The following URB1 variants were observed in gnomAD, a reference collection of about 807,000 sequenced individuals.
URB1 encodes URB1 ribosome biogenesis factor, also known as nucleolar pre-ribosomal-associated protein 1.
A neutral mutation model predicts 242.3 loss-of-function variants in URB1; 197 were observed. That is an observed-to-expected ratio of 0.81 (90% CI 0.72 to 0.91). URB1 has a LOEUF of 0.91. Ranked by LOEUF, URB1 falls within the 40% of genes least tolerant of loss-of-function variation. The probability of loss-of-function intolerance (pLI) is 0.00; values close to 1 mark genes in which losing one functional copy is unlikely to be tolerated. For missense variants in URB1, 2,721 were observed against 2,860.5 expected, an observed-to-expected ratio of 0.95 and a Z score of 1.11; for synonymous variants, 1,153 against 1,201.8, an observed-to-expected ratio of 0.96 and a Z score of 0.84.
chr21:32,369,750 G>C (rs995643784), intron 8 of URB1, among the ~76,000 whole-genome samples: 6 of 152,116 alleles, frequency 3.9e-5, no homozygotes, highest in Non-Finnish European at 8.8e-5. Flanking sequence ...TGCCTTCCCT[G>C]TTTCTAGCTT....
rs1004897675 is a variant in URB1, at chr21:32,372,523, A to C, written c.985T>G (p.Leu329Val). 1.1e-5 allele frequency: 17 copies of C among 1,551,416 alleles called. No homozygotes were observed. In the African/African-American group the frequency reaches 1.6e-4, roughly 15 times the overall value. The change falls in exon 8 of 39, where the codon TTG becomes GTG. Residue 329 changes from leucine to valine, a missense_variant. Coordinates refer to ENST00000382751, the MANE Select transcript of URB1 (RefSeq NM_014825.3). ...KHGINFYDAS[L>V]GTFGRGGNLT... is the part of the protein sequence containing the mutation. The stretch of plus-strand genomic sequence containing the variant: ...ATACTTTACCTGCCAAAGGTACCCA[A>C]AGATGCATCGTAAAAATTAATTCCA...
chr21:32,333,142 G>T, intron 30 of URB1, 175 bp downstream of exon 30: 1 of 619,650 alleles, frequency 1.6e-6, no homozygotes, highest in South Asian at 1.9e-5. Flanking sequence ...AATACTAACT[G>T]TGACTTTGCT....
At position 32,344,774 on chromosome 21, in the gene URB1, A is replaced by G. The variant is rs1461575519; in HGVS notation, c.4071-18T>C. On this transcript the variant is annotated intron_variant, in intron 23 of 38. Coordinates refer to ENST00000382751, the MANE Select transcript of URB1 (RefSeq NM_014825.3). ...CGATCCACCTGCAGCAGGAGATGAG[A>G]GTCAGAGACAGAGAGCAGGTTTAAA... The G allele has an allele frequency of 1.3e-6, 2 of 1,546,790 alleles. No homozygotes were observed. Among genetic ancestry groups the G allele is most frequent in the East Asian group, 2.4e-5 (1 of 40,852 alleles).
chr21:32,334,674 A>C (rs577568091), intron 28 of URB1, among the ~76,000 whole-genome samples: 2 of 152,180 alleles, frequency 1.3e-5, no homozygotes, highest in Non-Finnish European at 2.9e-5. Flanking sequence ...AAATGGGGGA[A>C]AGAGGTGCGG....
intron 25 of URB1, among the ~76,000 whole-genome samples, chr21:32,339,721 G>C (rs1323215369): frequency 6.6e-6 from 1 of 151,724 alleles, no homozygotes; most frequent in East Asian, 2.0e-4. Context: ...TCGATCTTCT[G>C]ACCTCGTGAT....
At chr21:32,327,744 G>C (rs2032846299) in intron 30 of URB1, among the ~76,000 whole-genome samples, 2 of 152,178 alleles carry the variant, frequency 1.3e-5, no homozygotes, top group African/African-American at 2.4e-5. Context: ...GGAGGAAATG[G>C]ATCTATACTG....
rs2033174229 is a variant in URB1, at chr21:32,352,879, G to T, written c.2444C>A (p.Ala815Glu). Residue 815 changes from alanine (A) to glutamate (E), a missense_variant, in exon 19 of 39, where the codon GCA becomes GAA. Physicochemically the swap from Ala to Glu is moderately radical, Grantham distance 107. Transcript: ENST00000382751. ...GGTGTGGAGGAGGTCAGTCAGCACTGCCGTCAGATATGTCACAACGTTTTC... is the reference window on the plus strand; with the variant it reads ...GGTGTGGAGGAGGTCAGTCAGCACTTCCGTCAGATATGTCACAACGTTTTC... ...AAENVVTYLT[A>E]VLTDLLHTQR... 8.4e-6 allele frequency: 13 copies of T among 1,550,766 alleles called. No individual in the cohort carries two copies. The highest frequency in any genetic ancestry group is 1.2e-5 in the South Asian group (1 of 83,992).
Position 32,385,635 on chromosome 21 carries a change from C to T in URB1, c.192G>A (p.Val64=), listed in dbSNP as rs999422820. The T allele has an allele frequency of 6.4e-7, 1 of 1,551,624 alleles. No individual in the cohort carries two copies. Among genetic ancestry groups the T allele is most frequent in the Non-Finnish European group, 8.7e-7 (1 of 1,146,994 alleles). ...SAAKKLPRED[V]YDVVEGYIKI... is the part of the protein sequence containing the mutation. ...TTATATACCCTTCCACAACATCATA[C>T]ACATCTTCTCGTGGTAGCTTCTTGG... is the stretch of plus-strand genomic sequence containing the variant. Residue 64 remains valine, a synonymous_variant, in exon 2 of 39, where the codon GTG becomes GTA. Coordinates refer to ENST00000382751, the MANE Select transcript of URB1 (RefSeq NM_014825.3).
rs536300893 is a variant in URB1, at chr21:32,376,230, T to C, written c.665-747A>G. On this transcript the variant is annotated intron_variant, in intron 5 of 38. Coordinates refer to ENST00000382751, the MANE Select transcript of URB1 (RefSeq NM_014825.3). ...GTTGGCAGTAGAATTTTGGGTGATT[T>C]AGTTTGTTTACTTTTTGCTTTCTCT... Among the ~76,000 whole-genome samples, 5 of 152,344 alleles carry C rather than the reference T, an allele frequency of 3.3e-5. No individual in the cohort carries two copies. The South Asian group carries it at 6.2e-4, about 19-fold the overall frequency.
At chr21:32,390,841 A>G (rs1174907278) in intron 1 of URB1, among the ~76,000 whole-genome samples, 1 of 152,194 alleles carries the variant, frequency 6.6e-6, no homozygotes, top group Admixed American at 6.5e-5. Flanking sequence ...TAGAAATACC[A>G]TTTGACCCAG....
chr21:32,384,303 G>T lies in URB1; in HGVS notation c.434+10C>A, dbSNP rs1352367068. 5 of 1,548,644 alleles carry T rather than the reference G, an allele frequency of 3.2e-6. No homozygotes were observed. Among genetic ancestry groups the T allele is most frequent in the Non-Finnish European group, 4.4e-6 (5 of 1,144,058 alleles). On this transcript the variant is annotated intron_variant, in intron 3 of 38. Coordinates refer to ENST00000382751, the MANE Select transcript of URB1 (RefSeq NM_014825.3). ...GCCCATCCTTTGTCACACCAAGGCA[G>T]ACTGCCTACCTGTAACCTGAGGCAT...
rs1199496844 is a variant in URB1, at chr21:32,347,743, C to T, written c.3081G>A (p.Glu1027=). 9 of 1,549,860 alleles carry T rather than the reference C, an allele frequency of 5.8e-6. No homozygotes were observed. Among genetic ancestry groups the T allele is most frequent in the Non-Finnish European group, 7.8e-6 (9 of 1,146,978 alleles). The change falls in exon 22 of 39, where the codon GAG becomes GAA. Residue 1027 remains glutamate (E), a synonymous_variant. Transcript: ENST00000382751. The part of the protein sequence containing the change: ...PTLEGWFLAL[E]QQALPPHTLS... ...GCGTGTGCGGCGGGAGGGCCTGCTG[C>T]TCCAGGGCCAGGAACCAGCCCTCCA... is the stretch of plus-strand genomic sequence containing the variant.
At chr21:32,343,725 A>C (rs1433169294) in intron 24 of URB1, among the ~76,000 whole-genome samples, 1 of 152,322 alleles carries the variant, frequency 6.6e-6, no homozygotes, top group African/African-American at 2.4e-5. Context: ...TCCATCATCA[A>C]GCCACCCACT....
chr21:32,343,672 G>C, intron 24 of URB1, among the ~76,000 whole-genome samples: 1 of 152,114 alleles, frequency 6.6e-6, no homozygotes, highest in Non-Finnish European at 1.5e-5. Context: ...AGAAAAGGCA[G>C]GTAAGGAGGG....
Position 32,314,702 on chromosome 21 carries a change from A to G in URB1, c.*216T>C. 1 of 1,575,146 alleles carries G rather than the reference A, an allele frequency of 6.3e-7. No homozygotes were observed. Among genetic ancestry groups the G allele is most frequent in the Non-Finnish European group, 8.7e-7 (1 of 1,145,000 alleles). ...GCCTAGAAGTCCCCACATTCCTTGC[A>G]ACTCTGATGCTGGGCACCTACAGGC... is the stretch of plus-strand genomic sequence containing the variant. On this transcript the variant is annotated 3_prime_UTR_variant, in exon 39 of 39. Coordinates refer to ENST00000382751, the MANE Select transcript of URB1 (RefSeq NM_014825.3).
intron 6 of URB1, 117 bp downstream of exon 6, chr21:32,375,281 A>C: frequency 1.7e-6 from 1 of 598,820 alleles, no homozygotes; most frequent in Admixed American, 4.2e-5. Context: ...CACTCAACCA[A>C]TACAACAATC....
At chr21:32,329,086 T>C (rs186997214) in intron 30 of URB1, among the ~76,000 whole-genome samples, 230 of 141,102 alleles carry the variant, frequency 1.6e-3, no homozygotes, top group African/African-American at 5.8e-3. Flanking sequence ...CCTGGCAACA[T>C]AGAGAGATAC....
intron 37 of URB1, 23 bp downstream of exon 37, chr21:32,317,653 C>T (rs879076717): frequency 1.3e-6 from 2 of 1,550,094 alleles, no homozygotes; most frequent in South Asian, 2.4e-5. Flanking sequence ...TACTCTGGGC[C>T]AGTCCTGGGT....
chr21:32,339,108 C>T (rs1008916864), intron 25 of URB1, among the ~76,000 whole-genome samples: 1 of 152,188 alleles, frequency 6.6e-6, no homozygotes, highest in African/African-American at 2.4e-5. Context: ...GATTCTCCTG[C>T]CTCAGCCTCC....
Sources: allele counts gnomAD v4.1 joint callset (sites outside exome capture counted in the v4.1 genomes callset), GRCh38; gene constraint gnomAD v4.1.1; transcripts MANE v1.5; gene names NCBI Gene and HGNC (gene_info 2026-07-23, HGNC 2026-07-21).